The following LIPE variants were observed in gnomAD, a reference collection of about 807,000 sequenced individuals.
LIPE encodes lipase E, hormone sensitive type.
Under a neutral mutation model 88.5 loss-of-function variants are expected in LIPE, and 66 were observed. The ratio of observed to expected loss-of-function variants is 0.75; its 90% CI spans 0.61 to 0.91. The LOEUF (loss-of-function observed/expected upper bound fraction) is 0.91, where lower values mean the gene tolerates loss of function less well. Ranked by LOEUF, LIPE falls within the 40% of genes least tolerant of loss-of-function variation. LIPE has a pLI of 0.00. For synonymous variants in LIPE, 570 were observed against 617.5 expected, an observed-to-expected ratio of 0.92 and a Z score of 1.14; for missense variants, 1,346 against 1,434.7, an observed-to-expected ratio of 0.94 and a Z score of 1.00.
At position 42,401,555 on chromosome 19, in the gene LIPE, A is replaced by C; in HGVS notation, c.*257T>G. 1 of 478,366 alleles carries C rather than the reference A, an allele frequency of 2.1e-6. No homozygotes were observed. Among genetic ancestry groups the C allele is most frequent in the Non-Finnish European group, 3.7e-6 (1 of 272,362 alleles). The allele number at this position is 478,366 out of a possible 1,614,324, so 29.6% of individuals were successfully genotyped here. A position where few individuals can be genotyped will look rare whatever the true frequency, so the allele number is the denominator to read the frequency against. On this transcript the variant is annotated 3_prime_UTR_variant, in exon 10 of 10. Transcript: ENST00000244289. ...TTTACAACAAACCAAACCGACCTGC[A>C]AGGGAGGGCCAGTCCCCGTCCCTGC...
chr19:42,414,431 G>A lies in LIPE; in HGVS notation c.884-3589C>T, dbSNP rs924718913. On this transcript the variant is annotated intron_variant, in intron 1 of 9. Transcript: ENST00000244289. The surrounding 1 kb of genome is among the most constrained non-coding windows in gnomAD (Gnocchi z 4.6). ...TGGCTGTTCTGCTGGCTCAGGGTGG[G>A]AGACATAATTTATAAGTGGGGCCAT... 2.6e-5 allele frequency among the ~76,000 whole-genome samples: 4 copies of A among 152,232 alleles called. No individual in the cohort carries two copies. Among genetic ancestry groups the A allele is most frequent in the African/African-American group, 9.6e-5 (4 of 41,462 alleles).
At chr19:42,415,234 A>G (rs1362214176) in intron 1 of LIPE, among the ~76,000 whole-genome samples, 1 of 152,190 alleles carries the variant, frequency 6.6e-6, no homozygotes, top group African/African-American at 2.4e-5. Flanking sequence ...TCTGTCTCAA[A>G]TAAATGAAAT....
At chr19:42,402,475 TG>T in intron 9 of LIPE, 131 bp downstream of exon 9, 1 of 785,574 alleles carries the variant, frequency 1.3e-6, no homozygotes, top group Non-Finnish European at 1.8e-6. Context: ...TGTTCTCCCC[TG>T]GGGACACGCC....
In LIPE at chr19:42,401,735, G is replaced by A. The variant is rs1379292484; in HGVS notation, c.*77C>T. On this transcript the variant is annotated 3_prime_UTR_variant, in exon 10 of 10. Coordinates refer to ENST00000244289, the MANE Select transcript of LIPE (RefSeq NM_005357.4). Reference sequence around the variant, plus strand: ...CCTTGCCACCCCCGACTTAAGTAAGGCACAGCCCGCGTCCCCTTCCGCCCG... The same window carrying A: ...CCTTGCCACCCCCGACTTAAGTAAGACACAGCCCGCGTCCCCTTCCGCCCG... 2.3e-6 allele frequency: 2 copies of A among 854,078 alleles called. No homozygotes were observed. The highest frequency in any genetic ancestry group is 3.2e-6 in the Non-Finnish European group (2 of 621,716). 52.9% of individuals were successfully genotyped at this position (854,078 alleles called of 1,614,324 possible).
intron 1 of LIPE, among the ~76,000 whole-genome samples, chr19:42,411,100 C>G (rs568593795): frequency 6.6e-6 from 1 of 152,286 alleles, no homozygotes; most frequent in Non-Finnish European, 1.5e-5. Context: ...TTTGGGCCCT[C>G]AGCTCCCTCC....
At chr19:42,424,222 G>T (rs2040662290) in intron 1 of LIPE, 1 of 814,858 alleles carries the variant, frequency 1.2e-6, no homozygotes, top group East Asian at 6.3e-5. Context: ...ATGGTGGTAG[G>T]AGAACGCTCG....
At chr19:42,415,912 T>C (rs1453313844) in intron 1 of LIPE, among the ~76,000 whole-genome samples, 1 of 152,060 alleles carries the variant, frequency 6.6e-6, no homozygotes, top group Non-Finnish European at 1.5e-5. Context: ...AGCCAAAGCC[T>C]AATCCCAAGC....
At chr19:42,405,972 T>TCA (rs2040159918) in intron 7 of LIPE, 189 bp downstream of exon 7, 3 of 563,044 alleles carry the variant, frequency 5.3e-6, no homozygotes, top group East Asian at 2.8e-5. Flanking sequence ...TCTCTCTCTC[T>TCA]CTCTCACACA....
chr19:42,406,510 G>A lies in LIPE; in HGVS notation c.2138-122C>T, dbSNP rs749228932. On this transcript the variant is annotated intron_variant, in intron 6 of 9. Coordinates refer to ENST00000244289, the MANE Select transcript of LIPE (RefSeq NM_005357.4). The surrounding 1 kb of genome is among the most constrained non-coding windows in gnomAD (Gnocchi z 5.7). Reference sequence around the variant, plus strand: ...CAAGGTGGGGTGTGGGGCACTCCAAGGCCTAGCAGACTGCAGTTTTAGAGA... The same window carrying A: ...CAAGGTGGGGTGTGGGGCACTCCAAAGCCTAGCAGACTGCAGTTTTAGAGA... 1.3e-6 allele frequency: 1 copy of A among 751,106 alleles called. No homozygotes were observed. The highest frequency in any genetic ancestry group is 2.2e-6 in the Non-Finnish European group (1 of 448,430). The allele number at this position is 751,106 out of a possible 1,614,324, so 46.5% of individuals were successfully genotyped here.
At position 42,401,905 on chromosome 19, in the gene LIPE, G is replaced by A; in HGVS notation, c.3138C>T (p.Arg1046=). Residue 1046 remains arginine, a synonymous_variant, in exon 10 of 10, where the codon CGC becomes CGT. Transcript: ENST00000244289. ...TRQAAELCVE[R]IRLVLTPPAG... ...CGGGAGGAGTGAGGACGAGGCGGAT[G>A]CGCTCCACGCACAGCTCTGCGGCCT... 1.3e-6 allele frequency: 2 copies of A among 1,548,640 alleles called. No homozygotes were observed. Among genetic ancestry groups the A allele is most frequent in the Non-Finnish European group, 8.7e-7 (1 of 1,153,040 alleles).
chr19:42,405,300 C>T, intron 8 of LIPE, 85 bp downstream of exon 8: 1 of 1,417,366 alleles, frequency 7.1e-7, no homozygotes, highest in Non-Finnish European at 9.6e-7. Context: ...CCACCATGCC[C>T]AGCATCTTCC....
chr19:42,422,457 G>C (rs775782868), intron 1 of LIPE, among the ~76,000 whole-genome samples: 26 of 152,186 alleles, frequency 1.7e-4, no homozygotes, highest in Non-Finnish European at 3.2e-4. Flanking sequence ...GCTCCAGTCC[G>C]TCTGCCCTCT....
chr19:42,403,241 A>G (rs868198272), intron 8 of LIPE, among the ~76,000 whole-genome samples: 44 of 91,892 alleles, frequency 4.8e-4, no homozygotes, highest in African/African-American at 7.8e-4. Context: ...CTAGTGAAGG[A>G]TGTGTGTGTG....
rs970411064 is a variant in LIPE, at chr19:42,410,049, G to A, written c.1419+258C>T. 6.6e-6 allele frequency among the ~76,000 whole-genome samples: 1 copy of A among 152,208 alleles called. No individual in the cohort carries two copies. Among genetic ancestry groups the A allele is most frequent in the African/African-American group, 2.4e-5 (1 of 41,446 alleles). On this transcript the variant is annotated intron_variant, in intron 2 of 9. Transcript: ENST00000244289. The surrounding 1 kb of genome is among the most constrained non-coding windows in gnomAD (Gnocchi z 6.1). ...TACATCTCTTGCATGTAGGACAATA[G>A]AGAGTAGTGGATATCCTGGTGAAAA...
chr19:42,424,754 G>A (rs748868518), intron 1 of LIPE: 1 of 386,146 alleles, frequency 2.6e-6, no homozygotes. Context: ...ACTTCAACAA[G>A]TAACCTCCAG....
chr19:42,402,588 G>C lies in LIPE; in HGVS notation c.2967+19C>G. 1 of 1,464,744 alleles carries C rather than the reference G, an allele frequency of 6.8e-7. No individual in the cohort carries two copies. The highest frequency in any genetic ancestry group is 9.0e-7 in the Non-Finnish European group (1 of 1,106,642). 90.7% of individuals were successfully genotyped at this position (1,464,744 alleles called of 1,614,324 possible). On this transcript the variant is annotated intron_variant, in intron 9 of 9. Coordinates refer to ENST00000244289, the MANE Select transcript of LIPE (RefSeq NM_005357.4). ...GCTCTTCTCTAAATGCACCTGTACCGGCCCCCTCTGTCGCTCACCACGATG... is the reference window on the plus strand; with the variant it reads ...GCTCTTCTCTAAATGCACCTGTACCCGCCCCCTCTGTCGCTCACCACGATG...
At chr19:42,418,733 A>C (rs2040538578) in intron 1 of LIPE, among the ~76,000 whole-genome samples, 1 of 152,210 alleles carries the variant, frequency 6.6e-6, no homozygotes, top group African/African-American at 2.4e-5. Context: ...GATAGTGTAA[A>C]CATAACTTTT....
Position 42,406,255 on chromosome 19 carries a change from C to T in LIPE, c.2271G>A (p.Met757Ile), listed in dbSNP as rs202065756. The T allele has an allele frequency of 2.4e-4, 389 of 1,613,822 alleles. No individual in the cohort carries two copies. Among genetic ancestry groups the T allele is most frequent in the African/African-American group, 6.7e-5 (5 of 74,936 alleles). The change falls in exon 7 of 10, where the codon ATG (methionine) becomes ATA (isoleucine). Residue 757 changes from methionine (M) to isoleucine (I), a missense_variant. Met to Ile is a conservative substitution (Grantham distance 10). Transcript: ENST00000244289. This position sits in a 1 kb window ranked among gnomAD's most constrained non-coding sequence, Gnocchi z 5.7. ...GGGAGGGAGAGGCGGCAGGCTGCAG[C>T]ATTGTGGCCGGGTAGGCTGCCATGA... ...DGIMAAYPAT[M>I]LQPAASPSRL...
rs769985716 is a variant in LIPE, at chr19:42,402,883, T to A, written c.2691A>T (p.Ser897=). The A allele has an allele frequency of 3.1e-6, 5 of 1,613,514 alleles. No individual in the cohort carries two copies. Among genetic ancestry groups the A allele is most frequent in the Non-Finnish European group, 3.4e-6 (4 of 1,179,948 alleles). Residue 897 remains serine, a synonymous_variant, in exon 9 of 10, where the codon TCA becomes TCT. Transcript: ENST00000244289. ...GTGTGGAGGGGCTAAGTGTCTCAGC[T>A]GACAGCGACATCTCGGGGGTGTCCG... The part of the protein sequence containing the change: ...TSSDTPEMSL[S]AETLSPSTPS...
Sources: allele counts gnomAD v4.1 joint callset (sites outside exome capture counted in the v4.1 genomes callset), GRCh38; gene constraint gnomAD v4.1.1; non-coding constraint Gnocchi (gnomAD v3.1); transcripts MANE v1.5; gene names NCBI Gene and HGNC (gene_info 2026-07-23, HGNC 2026-07-21).